Variants in PLAAT5 observed in about 807,000 individuals in gnomAD.
PLAAT5 encodes the protein Ca(2+)-independent N-acyltransferase.
In PLAAT5, 27 loss-of-function variants were observed where a neutral mutation model predicts 27.8. That is an observed-to-expected ratio of 0.97 (90% CI 0.72 to 1.34). PLAAT5 has a LOEUF of 1.34. PLAAT5 is among the 40% of genes most tolerant of loss of function. The pLI is 0.00. For synonymous variants in PLAAT5, 125 were observed against 136.1 expected (o/e 0.92, Z 0.57); for missense variants, 368 against 343.8 (o/e 1.07, Z -0.56).
chr11:63,489,035 A>G (rs913768873), intron 2 of PLAAT5, 59 bp from the exon 3 acceptor site: 2 of 1,200,644 alleles, frequency 1.7e-6, no homozygotes, highest in African/African-American at 3.1e-5. Context: ...TTATTGGAAA[A>G]TCTGTATTAC....
chr11:63,468,024 A>T (rs551606929), intron 4 of PLAAT5, among the ~76,000 whole-genome samples: 1 of 152,360 alleles, frequency 6.6e-6, no homozygotes, highest in East Asian at 1.9e-4. Flanking sequence ...CTCCTTGGGG[A>T]ATCCTCAGAA....
chr11:63,472,257 G>C (rs1175425813), intron 3 of PLAAT5, among the ~76,000 whole-genome samples: 1 of 152,136 alleles, frequency 6.6e-6, no homozygotes, highest in Non-Finnish European at 1.5e-5. Context: ...ATAAGGACCA[G>C]TTAAGTAAAT....
At chr11:63,485,363 T>A (rs899756424) in intron 3 of PLAAT5, among the ~76,000 whole-genome samples, 1 of 152,128 alleles carries the variant, frequency 6.6e-6, no homozygotes, top group African/African-American at 2.4e-5. Context: ...AGGCATCACA[T>A]TACCTGACTT....
At chr11:63,467,686 G>A (rs1263005833) in intron 4 of PLAAT5, among the ~76,000 whole-genome samples, 1 of 152,132 alleles carries the variant, frequency 6.6e-6, no homozygotes, top group Non-Finnish European at 1.5e-5. Context: ...CATCTCCTGA[G>A]ATAACCACTG....
In PLAAT5 at chr11:63,462,144, T is replaced by A. The variant is rs965955960; in HGVS notation, c.*1359A>T. On this transcript the variant is annotated 3_prime_UTR_variant, in exon 6 of 6. Coordinates refer to ENST00000540857, the MANE Select transcript of PLAAT5 (RefSeq NM_001146729.2). ...AGCATTCACTAAAACATGGCTGGGT[T>A]AGTTTGCAGCTAAAAGGAATAAATA... The A allele has an allele frequency of 6.6e-6, 1 of 152,190 alleles. No individual in the cohort carries two copies. Among genetic ancestry groups the A allele is most frequent in the Non-Finnish European group, 1.5e-5 (1 of 68,032 alleles). The allele number at this position is 152,190 out of a possible 1,614,324, so 9.4% of individuals were successfully genotyped here. A position where few individuals can be genotyped will look rare whatever the true frequency, so the allele number is the denominator to read the frequency against.
At chr11:63,468,300 C>A in intron 4 of PLAAT5, 57 bp downstream of exon 4, 1 of 1,253,566 alleles carries the variant, frequency 8.0e-7, no homozygotes, top group East Asian at 2.3e-5. Context: ...ATTAACTGTG[C>A]TTCTATTTAC....
At chr11:63,484,775 T>C (rs2016395178) in intron 3 of PLAAT5, among the ~76,000 whole-genome samples, 3 of 152,194 alleles carry the variant, frequency 2.0e-5, no homozygotes, top group Admixed American at 6.5e-5. Flanking sequence ...TTCGACATAG[T>C]GCTAGAAGTC....
intron 3 of PLAAT5, among the ~76,000 whole-genome samples, chr11:63,483,840 T>TATATAC (rs2016368307): frequency 9.7e-6 from 1 of 102,996 alleles, no homozygotes; most frequent in Admixed American, 1.1e-4. Flanking sequence ...TATATATATA[T>TATATAC]ATACACATAT....
chr11:63,487,667 C>G (rs947540947), intron 3 of PLAAT5, among the ~76,000 whole-genome samples: 2 of 152,168 alleles, frequency 1.3e-5, no homozygotes, highest in African/African-American at 4.8e-5. Context: ...AATATACAGT[C>G]TGCACAAAGA....
In PLAAT5 at chr11:63,462,316, G is replaced by A. The variant is rs772252528; in HGVS notation, c.*1187C>T. 2.6e-5 allele frequency: 4 copies of A among 152,228 alleles called. No individual in the cohort carries two copies. 9.4% of individuals were successfully genotyped at this position (152,228 alleles called of 1,614,324 possible). On this transcript the variant is annotated 3_prime_UTR_variant, in exon 6 of 6. Coordinates refer to ENST00000540857, the MANE Select transcript of PLAAT5 (RefSeq NM_001146729.2). ...GGGGAGTGTGAGAAGAAATGGGGAA[G>A]AGGAACTAGGGATATCAGTTTCATC...
At chr11:63,482,697 ATT>A (rs1358594351) in intron 3 of PLAAT5, among the ~76,000 whole-genome samples, 6 of 152,220 alleles carry the variant, frequency 3.9e-5, no homozygotes, top group African/African-American at 1.2e-4. Context: ...TAATAACACA[ATT>A]TTTAAAAAAA....
intron 2 of PLAAT5, among the ~76,000 whole-genome samples, chr11:63,489,566 CA>C (rs747423130): frequency 6.6e-6 from 1 of 152,150 alleles, no homozygotes; most frequent in Non-Finnish European, 1.5e-5. Flanking sequence ...ACTTCGAAGC[CA>C]AAAGATCTAG....
At chr11:63,473,503 T>C (rs1214620331) in intron 3 of PLAAT5, among the ~76,000 whole-genome samples, 3 of 152,174 alleles carry the variant, frequency 2.0e-5, no homozygotes, top group Admixed American at 6.5e-5. Context: ...TATACCTGTA[T>C]GTGATTGACT....
intron 3 of PLAAT5, among the ~76,000 whole-genome samples, chr11:63,481,132 T>C (rs1451614608): frequency 6.6e-6 from 1 of 152,230 alleles, no homozygotes; most frequent in Non-Finnish European, 1.5e-5. Flanking sequence ...GGTATCTCCT[T>C]GAATAGCTTA....
intron 3 of PLAAT5, among the ~76,000 whole-genome samples, chr11:63,488,329 A>G (rs1455611982): frequency 6.6e-6 from 1 of 152,182 alleles, no homozygotes; most frequent in Non-Finnish European, 1.5e-5. Context: ...AACTTTTGTA[A>G]ATGACAGAGA....
At position 63,464,116 on chromosome 11, in the gene PLAAT5, C is replaced by T. The variant is rs80332616; in HGVS notation, c.718-521G>A. Among the ~76,000 whole-genome samples the T allele has an allele frequency of 8.8e-3, 1,334 of 152,130 alleles. 22 individuals carry two copies. Among genetic ancestry groups the T allele is most frequent in the African/African-American group, 0.028 (1,142 of 41,480 alleles). On this transcript the variant is annotated intron_variant, in intron 5 of 5. Transcript: ENST00000540857. ...TCTCACACCAGGGCCCACCAAGCCCCGGACACTAGAGAAAAGCCTCACAAG... is the reference window on the plus strand; with the variant it reads ...TCTCACACCAGGGCCCACCAAGCCCTGGACACTAGAGAAAAGCCTCACAAG...
chr11:63,483,799 ATG>A (rs1555028204), intron 3 of PLAAT5, among the ~76,000 whole-genome samples: 19 of 50,780 alleles, frequency 3.7e-4, no homozygotes, highest in African/African-American at 1.0e-3. Flanking sequence ...ATATATATAT[ATG>A]TATATATATA....
intron 5 of PLAAT5, among the ~76,000 whole-genome samples, chr11:63,464,526 T>C (rs1004482220): frequency 2.0e-5 from 3 of 151,914 alleles, no homozygotes; most frequent in South Asian, 2.1e-4. Flanking sequence ...CATGGTGGCG[T>C]GCACCTGGAG....
At position 63,463,215 on chromosome 11, in the gene PLAAT5, C is replaced by A. The variant is rs1050650544; in HGVS notation, c.*288G>T. ...GGTCAGCCTAAGACACAAGCAAGGTCCCATCCTACAAAGAGAGTGAAATTA... is the reference window on the plus strand; with the variant it reads ...GGTCAGCCTAAGACACAAGCAAGGTACCATCCTACAAAGAGAGTGAAATTA... On this transcript the variant is annotated 3_prime_UTR_variant, in exon 6 of 6. Transcript: ENST00000540857. The A allele has an allele frequency of 5.0e-5, 18 of 357,682 alleles. No homozygotes were observed. The highest frequency in any genetic ancestry group is 8.2e-5 in the Non-Finnish European group (16 of 194,286). 22.2% of individuals were successfully genotyped at this position (357,682 alleles called of 1,614,324 possible).
Sources: allele counts gnomAD v4.1 joint callset (sites outside exome capture counted in the v4.1 genomes callset), GRCh38; gene constraint gnomAD v4.1.1; transcripts MANE v1.5; gene names NCBI Gene and HGNC (gene_info 2026-07-23, HGNC 2026-07-21).